SUGCT: variants seen among roughly 807,000 people sequenced by gnomAD.
The protein encoded by SUGCT is succinyl-CoA:glutarate-CoA transferase.
SUGCT carries 41 observed loss-of-function variants against 55.0 expected under a neutral mutation model. The observed-to-expected ratio is 0.74, with a 90% CI of 0.58 to 0.97. The LOEUF (loss-of-function observed/expected upper bound fraction) is 0.97. Among genes scored for constraint, SUGCT ranks in the 50% least tolerant of loss-of-function variants. SUGCT has a pLI of 0.00. For synonymous variants in SUGCT, 187 were observed against 200.4 expected (o/e 0.93, Z 0.56); for missense variants, 568 against 547.8 (o/e 1.04, Z -0.37).
At chr7:40,912,407 C>T in the SUGCT span, among the ~76,000 whole-genome samples, 8 of 152,156 alleles carry the variant, frequency 5.3e-5, no homozygotes, top group Non-Finnish European at 7.4e-5. Context: ...GTCAGGAACA[C>T]AACTCCCAAT....
chr7:40,792,769 G>A (rs1388024326), intron 13 of SUGCT, among the ~76,000 whole-genome samples: 1 of 152,110 alleles, frequency 6.6e-6, no homozygotes, highest in Non-Finnish European at 1.5e-5. Context: ...TTTTGAGTAT[G>A]TCAGCTTTCA....
rs369469566 is a variant in SUGCT at position 40,179,562 on chromosome 7, C to T, written c.101-1385C>T. On this transcript the variant is annotated intron_variant, in intron 1 of 13. Coordinates refer to ENST00000335693, the MANE Select transcript of SUGCT (RefSeq NM_001193313.2). ...CCTCCCAAAGTGCTGGGATTACAGG[C>T]GTGAGCCACCATGCCCGGCCAGTTG... 6.0e-4 allele frequency among the ~76,000 whole-genome samples: 92 copies of T among 152,318 alleles called. 2 individuals carry two copies. In the South Asian group the frequency reaches 0.018, roughly 29 times the overall value.
intron 12 of SUGCT, among the ~76,000 whole-genome samples, chr7:40,662,502 C>T (rs1584232435): frequency 6.6e-6 from 1 of 152,366 alleles, no homozygotes; most frequent in Admixed American, 6.5e-5. Flanking sequence ...TCCTCTCTCC[C>T]TCCTTGTTCA....
chr7:40,207,629 C>G (rs1186395745), intron 6 of SUGCT, among the ~76,000 whole-genome samples: 2 of 152,086 alleles, frequency 1.3e-5, no homozygotes, highest in South Asian at 2.1e-4. Flanking sequence ...TCAGCCTGGA[C>G]AACATGGTGA....
intron 9 of SUGCT, among the ~76,000 whole-genome samples, chr7:40,417,037 T>C (rs1402456932): frequency 1.3e-5 from 2 of 152,034 alleles, no homozygotes; most frequent in Admixed American, 1.3e-4. Flanking sequence ...TATGTCATCA[T>C]AGAGTTGCAT....
intron 9 of SUGCT, among the ~76,000 whole-genome samples, chr7:40,389,433 G>A (rs1003872819): frequency 6.4e-5 from 6 of 94,076 alleles, no homozygotes; most frequent in African/African-American, 1.3e-4. Flanking sequence ...GCCTGGGCAC[G>A]CCTGTCTCAA....
chr7:40,897,928 C>T, the SUGCT span, among the ~76,000 whole-genome samples: 11 of 151,468 alleles, frequency 7.3e-5, no homozygotes, highest in African/African-American at 2.7e-4. Flanking sequence ...AACCAATCAG[C>T]GGGATGTGGA....
At chr7:40,655,342 CCT>C (rs1800967101) in intron 12 of SUGCT, among the ~76,000 whole-genome samples, 1 of 152,054 alleles carries the variant, frequency 6.6e-6, no homozygotes, top group Non-Finnish European at 1.5e-5. Context: ...ATCCTCTCTC[CCT>C]CTCGCTCTTT....
At chr7:40,705,586 A>G (rs958014771) in intron 12 of SUGCT, among the ~76,000 whole-genome samples, 4 of 152,208 alleles carry the variant, frequency 2.6e-5, no homozygotes, top group African/African-American at 9.7e-5. Context: ...TACAAATCCT[A>G]TATCTTTCAG....
intron 1 of SUGCT, among the ~76,000 whole-genome samples, chr7:40,141,112 A>G (rs933557065): frequency 6.6e-6 from 1 of 151,306 alleles, no homozygotes; most frequent in African/African-American, 2.4e-5. Flanking sequence ...GCTATCATAA[A>G]TGGGACTGCC....
At chr7:40,365,957 T>A (rs1193393718) in intron 9 of SUGCT, among the ~76,000 whole-genome samples, 7 of 152,106 alleles carry the variant, frequency 4.6e-5, no homozygotes. Flanking sequence ...CATCGCCAAG[T>A]CAATCCTAAG....
chr7:40,622,441 C>T (rs548993427), intron 12 of SUGCT, among the ~76,000 whole-genome samples: 5 of 151,566 alleles, frequency 3.3e-5, no homozygotes, highest in Admixed American at 6.6e-5. Context: ...CAAGGCTGCT[C>T]GGTCAGCAAT....
At chr7:40,424,953 C>G (rs1031307587) in intron 9 of SUGCT, among the ~76,000 whole-genome samples, 1 of 151,920 alleles carries the variant, frequency 6.6e-6, no homozygotes, top group Non-Finnish European at 1.5e-5. Flanking sequence ...TAATTATTTA[C>G]AAAAAACACA....
At chr7:41,020,015 C>A in the SUGCT span, among the ~76,000 whole-genome samples, 2 of 152,228 alleles carry the variant, frequency 1.3e-5, no homozygotes, top group South Asian at 4.2e-4. Context: ...TTGCCAACTC[C>A]CAGCACTTAA....
At chr7:40,986,081 C>T in the SUGCT span, among the ~76,000 whole-genome samples, 7 of 152,058 alleles carry the variant, frequency 4.6e-5, no homozygotes, top group African/African-American at 1.7e-4. Context: ...CAACATGAGC[C>T]GAATTTTGTC....
At chr7:40,435,368 T>G (rs116058554) in intron 9 of SUGCT, among the ~76,000 whole-genome samples, 2 of 152,182 alleles carry the variant, frequency 1.3e-5, no homozygotes, top group Non-Finnish European at 2.9e-5. Context: ...ATTGTTAGCA[T>G]GCTTGCCTTT....
chr7:40,407,061 TAAA>T (rs893153849), intron 9 of SUGCT, among the ~76,000 whole-genome samples: 1 of 151,808 alleles, frequency 6.6e-6, no homozygotes, highest in African/African-American at 2.4e-5. Context: ...TCAAAAAAGA[TAAA>T]AAAAAGAACA....
the SUGCT span, among the ~76,000 whole-genome samples, chr7:41,019,854 TAAG>T: frequency 6.6e-6 from 1 of 152,192 alleles, no homozygotes. Context: ...AAAAAAGTCT[TAAG>T]AAATATTTCA....
At chr7:40,549,208 G>T (rs529002751) in intron 12 of SUGCT, among the ~76,000 whole-genome samples, 11 of 152,070 alleles carry the variant, frequency 7.2e-5, no homozygotes, top group Non-Finnish European at 1.3e-4. Context: ...GGTATAAGAG[G>T]CTTCATTATG....
Sources: allele counts gnomAD v4.1 joint callset (sites outside exome capture counted in the v4.1 genomes callset), GRCh38; gene constraint gnomAD v4.1.1; transcripts MANE v1.5; gene names NCBI Gene and HGNC (gene_info 2026-07-23, HGNC 2026-07-21).